ACOT12: variants seen among roughly 807,000 people sequenced by gnomAD.
ACOT12 encodes acetyl-coenzyme A thioesterase.
Under a neutral mutation model 67.7 loss-of-function variants are expected in ACOT12, and 51 were observed. The ratio of observed to expected loss-of-function variants is 0.75; its 90% CI spans 0.60 to 0.95. The LOEUF (loss-of-function observed/expected upper bound fraction) is 0.95. ACOT12 is among the 40% of genes least tolerant of loss of function. ACOT12 has a pLI of 0.00. For missense variants in ACOT12, 734 were observed against 708.1 expected, an observed-to-expected ratio of 1.04 and a Z score of -0.41; for synonymous variants, 251 against 244.6, an observed-to-expected ratio of 1.03 and a Z score of -0.24.
chr5:81,358,908 G>A (rs1759810584), intron 5 of ACOT12, among the ~76,000 whole-genome samples: 1 of 151,970 alleles, frequency 6.6e-6, no homozygotes, highest in Non-Finnish European at 1.5e-5. Context: ...GGTCAGCAAT[G>A]AGTAGAAACC....
rs148630854 is a variant in ACOT12 at position 81,330,515 on chromosome 5, C to G, written c.1547G>C (p.Ser516Thr). ...ATTTCCAGCAAAGTAAGGAAGGATG[C>G]TAGCAGACATATGGTTAAAGTAAGA... Reference protein sequence around the residue: ...IVSYFNHMSASILPYFAGNLG... With the variant: ...IVSYFNHMSATILPYFAGNLG... The change falls in exon 15 of 15, where the codon AGC becomes ACC. Residue 516 changes from serine (S) to threonine (T), a missense_variant. By Grantham distance (58) the Ser-to-Thr change is moderately conservative (BLOSUM62 1). Transcript: ENST00000307624. 1.5e-3 allele frequency: 2,417 copies of G among 1,614,048 alleles called. 8 individuals are homozygous for G. Among genetic ancestry groups the G allele is most frequent in the African/African-American group, 0.011 (851 of 75,046 alleles).
chr5:81,366,604 A>G (rs1760085951), intron 3 of ACOT12, among the ~76,000 whole-genome samples: 2 of 152,196 alleles, frequency 1.3e-5, no homozygotes, highest in African/African-American at 2.4e-5. Context: ...GGTGTACTAC[A>G]AAAAATTTTT....
chr5:81,344,260 T>C, intron 8 of ACOT12, 45 bp from the exon 9 acceptor site: 6 of 1,538,602 alleles, frequency 3.9e-6, no homozygotes, highest in Non-Finnish European at 5.3e-6. Flanking sequence ...AAATAAAATA[T>C]CTACTATCTT....
intron 5 of ACOT12, 105 bp from the exon 6 acceptor site, chr5:81,348,035 T>G: frequency 1.5e-6 from 2 of 1,308,154 alleles, no homozygotes; most frequent in Admixed American, 4.6e-5. Flanking sequence ...TATAGAAAAA[T>G]TAAAGTGTTC....
intron 5 of ACOT12, among the ~76,000 whole-genome samples, chr5:81,353,477 T>G (rs1759616260): frequency 6.6e-6 from 1 of 152,224 alleles, no homozygotes. Flanking sequence ...ACTCTACATT[T>G]GTAGATCAGG....
chr5:81,340,402 C>T (rs1759155903), intron 11 of ACOT12, among the ~76,000 whole-genome samples: 1 of 151,952 alleles, frequency 6.6e-6, no homozygotes, highest in Non-Finnish European at 1.5e-5. Flanking sequence ...CACTCTGTTG[C>T]CCAGGCTTGA....
chr5:81,341,845 CCT>C (rs1759203086), intron 11 of ACOT12, among the ~76,000 whole-genome samples: 1 of 152,152 alleles, frequency 6.6e-6, no homozygotes, highest in Non-Finnish European at 1.5e-5. Context: ...CCAGACAAGG[CCT>C]CTTTCTTAAG....
the ACOT12 span, among the ~76,000 whole-genome samples, chr5:81,310,640 A>G: frequency 1.3e-5 from 2 of 152,210 alleles, no homozygotes; most frequent in African/African-American, 4.8e-5. Flanking sequence ...GTAATTCACA[A>G]TCCTGGAATG....
the ACOT12 span, among the ~76,000 whole-genome samples, chr5:81,313,859 T>G: frequency 1.3e-5 from 2 of 152,176 alleles, no homozygotes; most frequent in Admixed American, 6.5e-5. Flanking sequence ...AAAATACTGC[T>G]CAGCATCCCA....
chr5:81,343,455 T>C (rs986866078), intron 10 of ACOT12, among the ~76,000 whole-genome samples: 3 of 152,188 alleles, frequency 2.0e-5, no homozygotes, highest in African/African-American at 7.2e-5. Context: ...CTCTTTACAT[T>C]TAATGGTTAA....
At chr5:81,327,912 G>A (rs1166942037), downstream of ACOT12, among the ~76,000 whole-genome samples, 3 of 152,150 alleles carry the variant, frequency 2.0e-5, no homozygotes, top group Non-Finnish European at 4.4e-5. Flanking sequence ...TTAGTTTCCA[G>A]GGGGCTGACT....
the ACOT12 span, chr5:81,308,757 A>C: frequency 1.1e-5 from 17 of 1,578,328 alleles, no homozygotes; most frequent in Non-Finnish European, 1.5e-5. Flanking sequence ...GGGAAAGCCA[A>C]TAAATAGCAC....
chr5:81,385,686 G>A (rs991025610), intron 2 of ACOT12, 71 bp downstream of exon 2: 7 of 1,403,796 alleles, frequency 5.0e-6, no homozygotes, highest in African/African-American at 2.9e-5. Flanking sequence ...ATAAGCTCAG[G>A]TGCCACCAAT....
At chr5:81,325,842 ACT>A (rs1436009014), downstream of ACOT12, among the ~76,000 whole-genome samples, 1 of 152,038 alleles carries the variant, frequency 6.6e-6, no homozygotes, top group East Asian at 1.9e-4. Context: ...ACAGTGTCTC[ACT>A]CTGTCTCCCA....
intron 5 of ACOT12, among the ~76,000 whole-genome samples, chr5:81,353,785 T>C (rs868111229): frequency 2.6e-5 from 4 of 152,228 alleles, no homozygotes; most frequent in Admixed American, 2.0e-4. Context: ...ACTGTTCTAA[T>C]AATATGCATT....
intron 5 of ACOT12, among the ~76,000 whole-genome samples, chr5:81,351,342 G>A (rs1013453101): frequency 1.2e-4 from 19 of 152,110 alleles, no homozygotes; most frequent in African/African-American, 3.4e-4. Flanking sequence ...ACAATTATCT[G>A]ACTTCAAATT....
intron 14 of ACOT12, 134 bp from the exon 15 acceptor site, chr5:81,330,677 C>G: frequency 6.7e-7 from 1 of 1,484,960 alleles, no homozygotes; most frequent in Non-Finnish European, 9.0e-7. Flanking sequence ...ATAGATGATC[C>G]GAAAGGATGA....
intron 4 of ACOT12, 59 bp downstream of exon 4, chr5:81,363,729 G>T: frequency 7.9e-7 from 1 of 1,268,078 alleles, no homozygotes; most frequent in South Asian, 1.4e-5. Context: ...ACATTCTGAT[G>T]CAATTGTTAC....
the ACOT12 span, chr5:81,308,675 A>G: frequency 6.2e-7 from 1 of 1,613,396 alleles, no homozygotes; most frequent in Non-Finnish European, 8.5e-7. Flanking sequence ...AGAGCACGAA[A>G]TAACCAAGTG....
Sources: gnomAD v4.1 joint callset for allele counts (sites outside exome capture counted in the v4.1 genomes callset) on GRCh38, gnomAD v4.1.1 for gene constraint, MANE v1.5 for transcripts, NCBI Gene and HGNC (gene_info 2026-07-23, HGNC 2026-07-21) for gene names.